LRMDA: variants seen among roughly 807,000 people sequenced by gnomAD.
LRMDA encodes leucine-rich melanocyte differentiation-associated protein.
LRMDA carries 18 observed loss-of-function variants against 29.8 expected under a neutral mutation model. The ratio of observed to expected loss-of-function variants is 0.60; its 90% CI spans 0.42 to 0.90. The LOEUF is 0.90. Among genes scored for constraint, LRMDA ranks in the 40% least tolerant of loss-of-function variants. The pLI, the probability that LRMDA is intolerant of heterozygous loss-of-function variation, is 0.00. For synonymous variants in LRMDA, 125 were observed against 109.4 expected, an observed-to-expected ratio of 1.14 and a Z score of -0.89; for missense variants, 273 against 273.9, an observed-to-expected ratio of 1.00 and a Z score of 0.02.
chr10:76,046,845 A>T (rs1168296680), intron 3 of LRMDA, among the ~76,000 whole-genome samples: 2 of 152,168 alleles, frequency 1.3e-5, no homozygotes, highest in African/African-American at 2.4e-5. Flanking sequence ...AAAATATTTT[A>T]CTCTATGGAA....
At chr10:75,707,207 C>T (rs955430824) in intron 2 of LRMDA, among the ~76,000 whole-genome samples, 1 of 152,270 alleles carries the variant, frequency 6.6e-6, no homozygotes, top group Admixed American at 6.5e-5. Flanking sequence ...TTACTATCTC[C>T]CTCTGTGTTT....
intron 5 of LRMDA, among the ~76,000 whole-genome samples, chr10:76,297,997 C>T (rs1564715339): frequency 1.3e-5 from 2 of 152,232 alleles, no homozygotes; most frequent in Non-Finnish European, 2.9e-5. Flanking sequence ...CGAGGGCTTG[C>T]TGGTATGAGC....
chr10:75,619,841 G>A lies in LRMDA; in HGVS notation c.131+181347G>A, dbSNP rs141325620. 6.4e-3 allele frequency among the ~76,000 whole-genome samples: 982 copies of A among 152,262 alleles called. 13 individuals carry two copies. Among genetic ancestry groups the A allele is most frequent in the African/African-American group, 0.022 (914 of 41,542 alleles). On this transcript the variant is annotated intron_variant, in intron 2 of 6. Transcript: ENST00000611255. Reference sequence around the variant, plus strand: ...CTGGTCATAGCCGTGTGACCCTTGTGTGCAAATTGCTTAATTTCAGTCTTA... The same window carrying A: ...CTGGTCATAGCCGTGTGACCCTTGTATGCAAATTGCTTAATTTCAGTCTTA...
chr10:75,478,056 A>C (rs527414265), intron 2 of LRMDA, among the ~76,000 whole-genome samples: 4 of 152,218 alleles, frequency 2.6e-5, no homozygotes, highest in African/African-American at 9.6e-5. Flanking sequence ...TCCTTTCTGG[A>C]TTCTGAGCCG....
intron 2 of LRMDA, among the ~76,000 whole-genome samples, chr10:76,009,455 G>T (rs1847733586): frequency 6.6e-6 from 1 of 152,164 alleles, no homozygotes; most frequent in African/African-American, 2.4e-5. Context: ...GAAGCTAGGG[G>T]GCCCCTAAAA....
intron 2 of LRMDA, among the ~76,000 whole-genome samples, chr10:75,704,404 A>T (rs1842342560): frequency 6.6e-6 from 1 of 152,142 alleles, no homozygotes; most frequent in Non-Finnish European, 1.5e-5. Flanking sequence ...CCTTTTGTTA[A>T]TCCATTTTAA....
intron 2 of LRMDA, among the ~76,000 whole-genome samples, chr10:75,588,213 G>A (rs944859969): frequency 6.6e-6 from 1 of 152,142 alleles, no homozygotes; most frequent in African/African-American, 2.4e-5. Context: ...AGAGAGGTTT[G>A]TTACAATATA....
At chr10:75,843,611 C>T (rs1422717304) in intron 2 of LRMDA, among the ~76,000 whole-genome samples, 1 of 152,130 alleles carries the variant, frequency 6.6e-6, no homozygotes, top group Non-Finnish European at 1.5e-5. Flanking sequence ...AGGTGGAGAG[C>T]ACTTTGAAAA....
chr10:75,989,592 G>C (rs79733400), intron 2 of LRMDA, among the ~76,000 whole-genome samples: 237 of 152,338 alleles, frequency 1.6e-3, no homozygotes, highest in African/African-American at 5.5e-3. Context: ...GATCCAAACT[G>C]TATCAATGAC....
At chr10:76,552,637 CAAATGGGG>C (rs1843509706) in intron 6 of LRMDA, among the ~76,000 whole-genome samples, 1 of 152,196 alleles carries the variant, frequency 6.6e-6, no homozygotes, top group South Asian at 2.1e-4. Flanking sequence ...CCTTGTTTTA[CAAATGGGG>C]AAACCTGCCC....
chr10:75,831,529 C>A (rs1844344765), intron 2 of LRMDA, among the ~76,000 whole-genome samples: 1 of 152,158 alleles, frequency 6.6e-6, no homozygotes, highest in African/African-American at 2.4e-5. Context: ...GCAGCTTTTC[C>A]AGGTGCATGG....
chr10:76,158,823 A>G (rs1850590665), intron 5 of LRMDA, among the ~76,000 whole-genome samples: 2 of 152,172 alleles, frequency 1.3e-5, no homozygotes, highest in Non-Finnish European at 2.9e-5. Flanking sequence ...TATGTCCTAA[A>G]GAAGCTTGGA....
At chr10:75,933,175 T>C (rs934430135) in intron 2 of LRMDA, among the ~76,000 whole-genome samples, 4 of 152,222 alleles carry the variant, frequency 2.6e-5, no homozygotes, top group African/African-American at 9.6e-5. Context: ...GCTGTCACCA[T>C]CCTGACTCAT....
chr10:76,444,029 A>G (rs1427605517), intron 6 of LRMDA, among the ~76,000 whole-genome samples: 1 of 152,130 alleles, frequency 6.6e-6, no homozygotes, highest in Non-Finnish European at 1.5e-5. Flanking sequence ...GGTATTTAAC[A>G]TGACTACAGA....
chr10:75,782,666 G>T, intron 2 of LRMDA: 2 of 1,051,472 alleles, frequency 1.9e-6, no homozygotes, highest in Non-Finnish European at 2.4e-6. Context: ...TCTAGTCCTC[G>T]CTGCCGGTGC....
intron 2 of LRMDA, among the ~76,000 whole-genome samples, chr10:75,605,064 A>G (rs1238328039): frequency 6.6e-6 from 1 of 152,210 alleles, no homozygotes; most frequent in African/African-American, 2.4e-5. Context: ...TCATTGGGAC[A>G]ACTTGCTTAG....
intron 2 of LRMDA, among the ~76,000 whole-genome samples, chr10:75,766,613 T>C (rs1843171983): frequency 6.6e-6 from 1 of 152,210 alleles, no homozygotes; most frequent in African/African-American, 2.4e-5. Flanking sequence ...TTGATTTATT[T>C]CCTGTTTTAT....
chr10:75,566,172 C>T (rs1840369974), intron 2 of LRMDA, among the ~76,000 whole-genome samples: 1 of 152,190 alleles, frequency 6.6e-6, no homozygotes, highest in African/African-American at 2.4e-5. Context: ...ACAGCAGTAT[C>T]AATGCTTTCT....
intron 6 of LRMDA, among the ~76,000 whole-genome samples, chr10:76,393,237 T>C (rs1841744199): frequency 6.6e-6 from 1 of 152,170 alleles, no homozygotes; most frequent in Non-Finnish European, 1.5e-5. Flanking sequence ...AATAACTGTA[T>C]TTTTAATTGA....
Sources: gnomAD v4.1 joint callset for allele counts (sites outside exome capture counted in the v4.1 genomes callset) on GRCh38, gnomAD v4.1.1 for gene constraint, MANE v1.5 for transcripts, NCBI Gene and HGNC (gene_info 2026-07-23, HGNC 2026-07-21) for gene names.